Variants in DECR2 observed in about 807,000 individuals in gnomAD.
DECR2 encodes the protein peroxisomal 2,4-dienoyl-CoA reductase [(3E)-enoyl-CoA-producing].
In DECR2, 34 loss-of-function variants were observed where a neutral mutation model predicts 29.2. That is an observed-to-expected ratio of 1.16 (90% confidence interval 0.89 to 1.55). The LOEUF (loss-of-function observed/expected upper bound fraction) is 1.55, where lower values mean the gene tolerates loss of function less well. Among genes scored for constraint, DECR2 ranks in the 40% most tolerant of loss-of-function variants. DECR2 has a pLI of 0.00. For synonymous variants in DECR2, 224 were observed against 182.7 expected (o/e 1.23, Z -1.82); for missense variants, 485 against 425.3 (o/e 1.14, Z -1.23).
At chr16:407,731 CCT>C (rs1482207382) in intron 4 of DECR2, among the ~76,000 whole-genome samples, 171 bp downstream of exon 4, 4 of 151,326 alleles carry the variant, frequency 2.6e-5, no homozygotes, top group Non-Finnish European at 4.4e-5. Flanking sequence ...GCTCCGGCCC[CCT>C]GTCTCCGGCC....
intron 8 of DECR2, 69 bp from the exon 9 acceptor site, chr16:411,821 C>T: frequency 2.1e-6 from 1 of 481,362 alleles, no homozygotes; most frequent in South Asian, 3.7e-5. Flanking sequence ...TGCTGGGTGG[C>T]CGAGGCAGCC....
At chr16:406,255 C>G (rs191853186) in intron 2 of DECR2, 91 bp from the exon 3 acceptor site, 5 of 1,394,856 alleles carry the variant, frequency 3.6e-6, no homozygotes, top group Middle Eastern at 1.8e-4. Flanking sequence ...ACTGGTACTT[C>G]CGCCTGAGAG....
In DECR2 at chr16:410,188, A is replaced by ACTTG; in HGVS notation, c.338-54_338-51dup. ...CGCTCTGCCCACCTGGCCACCACCCACTTGGCATCCCTCTCCCCAGGCTCC... is the reference window on the plus strand; with the variant it reads ...CGCTCTGCCCACCTGGCCACCACCCACTTGCTTGGCATCCCTCTCCCCAGGCTCC... On this transcript the variant is annotated intron_variant, in intron 4 of 8. Transcript: ENST00000219481. The surrounding 1 kb of genome is among the most constrained non-coding windows in gnomAD (Gnocchi z 4.1). The ACTTG allele has an allele frequency of 6.3e-7, 1 of 1,585,188 alleles. No individual in the cohort carries two copies. The highest frequency in any genetic ancestry group is 1.3e-5 in the African/African-American group (1 of 74,152).
chr16:407,313 C>T lies in DECR2; in HGVS notation c.202-112C>T, dbSNP rs529999459. The T allele has an allele frequency of 4.0e-4, 585 of 1,480,742 alleles. 3 individuals carry two copies. In the African/African-American group the frequency reaches 7.9e-3, roughly 20 times the overall value. The allele number at this position is 1,480,742 out of a possible 1,614,324, so 91.7% of individuals were successfully genotyped here. ...GCTTCCCCAGAGTGGGGTCCAGCAG[C>T]AAACCCAGGGTCCCCGAGGAACCCG... On this transcript the variant is annotated intron_variant, in intron 3 of 8. Transcript: ENST00000219481.
intron 8 of DECR2, 71 bp downstream of exon 8, chr16:411,649 T>C: frequency 6.6e-7 from 1 of 1,511,944 alleles, no homozygotes. Flanking sequence ...GGCAGGTCTC[T>C]GCGGGACCCA....
At chr16:409,891 C>A in intron 4 of DECR2, 1 of 259,056 alleles carries the variant, frequency 3.9e-6, no homozygotes, top group Admixed American at 4.8e-5. Context: ...TCTGTGTGTC[C>A]TCTTCCCTTG....
chr16:410,124 C>T lies in DECR2; in HGVS notation c.338-119C>T, dbSNP rs111431922. The T allele has an allele frequency of 8.9e-4, 1,270 of 1,421,396 alleles. 9 individuals carry two copies. The African/African-American group carries it at 0.016, about 18-fold the overall frequency. 88.0% of individuals were successfully genotyped at this position (1,421,396 alleles called of 1,614,324 possible). A position where few individuals can be genotyped will look rare whatever the true frequency, so the allele number is the denominator to read the frequency against. On this transcript the variant is annotated intron_variant, in intron 4 of 8. Coordinates refer to ENST00000219481, the MANE Select transcript of DECR2 (RefSeq NM_020664.4). The surrounding 1 kb of genome is among the most constrained non-coding windows in gnomAD (Gnocchi z 4.1). ...TTTATCCTAGGGCATGGGTCTCCTC[C>T]CTGTGCCACAGGGCACCTGGGCTCC...
chr16:404,613 T>G (rs1391794987), intron 1 of DECR2, among the ~76,000 whole-genome samples: 1 of 151,644 alleles, frequency 6.6e-6, no homozygotes, highest in Non-Finnish European at 1.5e-5. Flanking sequence ...TATTTTTTAT[T>G]TATTTTTATT....
Position 410,923 on chromosome 16 carries a change from C to A in DECR2, c.557-49C>A. On this transcript the variant is annotated intron_variant, in intron 6 of 8. Coordinates refer to ENST00000219481, the MANE Select transcript of DECR2 (RefSeq NM_020664.4). This position sits in a 1 kb window ranked among gnomAD's most constrained non-coding sequence, Gnocchi z 4.1. ...CGAGACCTGGCCTTGGCCCTGCGCCCTCGCAGAGGGCAGAGCGGCCCTTTC... is the reference window on the plus strand; with the variant it reads ...CGAGACCTGGCCTTGGCCCTGCGCCATCGCAGAGGGCAGAGCGGCCCTTTC... 1 of 1,552,590 alleles carries A rather than the reference C, an allele frequency of 6.4e-7. No homozygotes were observed. The highest frequency in any genetic ancestry group is 8.7e-7 in the Non-Finnish European group (1 of 1,147,906).
Position 410,541 on chromosome 16 carries a change from C to G in DECR2, c.463-150C>G, listed in dbSNP as rs1271617620. 1 of 1,462,042 alleles carries G rather than the reference C, an allele frequency of 6.8e-7. No individual in the cohort carries two copies. Among genetic ancestry groups the G allele is most frequent in the African/African-American group, 1.7e-5 (1 of 59,472 alleles). 90.6% of individuals were successfully genotyped at this position (1,462,042 alleles called of 1,614,324 possible). A position where few individuals can be genotyped will look rare whatever the true frequency, so the allele number is the denominator to read the frequency against. ...CGCCCGCTCCCTGCCCTGGGCCTCC[C>G]CATGACGGCCGCCCGCTCCCTGCCC... On this transcript the variant is annotated intron_variant, in intron 5 of 8. Transcript: ENST00000219481. This position sits in a 1 kb window ranked among gnomAD's most constrained non-coding sequence, Gnocchi z 4.1.
intron 8 of DECR2, 83 bp downstream of exon 8, chr16:411,661 G>A (rs2054821396): frequency 1.2e-5 from 17 of 1,443,910 alleles, no homozygotes; most frequent in South Asian, 2.6e-5. Flanking sequence ...CGGGACCCAC[G>A]GGGCTGGCGT....
chr16:408,834 CTTTTT>C (rs11418835), intron 4 of DECR2, among the ~76,000 whole-genome samples: 1 of 140,532 alleles, frequency 7.1e-6, no homozygotes, highest in Non-Finnish European at 1.5e-5. Context: ...CCTGGCCTAG[CTTTTT>C]TTTTTTTTTT....
At chr16:405,581 T>C (rs2054714933) in intron 2 of DECR2, 13 of 1,304,320 alleles carry the variant, frequency 1.0e-5, no homozygotes, top group Non-Finnish European at 1.3e-5. Context: ...GCTACCTTTA[T>C]GGTTATTGTG....
chr16:407,672 G>A (rs2054742749), intron 4 of DECR2, 112 bp downstream of exon 4: 1 of 1,514,758 alleles, frequency 6.6e-7, no homozygotes, highest in African/African-American at 1.4e-5. Context: ...CTAGCTGCCT[G>A]TGCTGGGGTG....
rs1286584868 is a variant in DECR2 at position 411,633 on chromosome 16, T to C, written c.*55T>C. On this transcript the variant is annotated intron_variant, in intron 8 of 8. Transcript: ENST00000219481. ...ATCTGTGTCCTTGGACGCTGGTCACTGCATGGGCAGGTCTCTGCGGGACCC... is the reference window on the plus strand; with the variant it reads ...ATCTGTGTCCTTGGACGCTGGTCACCGCATGGGCAGGTCTCTGCGGGACCC... The C allele has an allele frequency of 1.9e-5, 29 of 1,558,680 alleles. No individual in the cohort carries two copies. In the African/African-American group the frequency reaches 3.9e-4, roughly 21 times the overall value.
At chr16:407,117 G>A (rs969047848) in intron 3 of DECR2, 7 of 1,178,466 alleles carry the variant, frequency 5.9e-6, no homozygotes, top group Non-Finnish European at 7.4e-6. Flanking sequence ...CCCTCGACCT[G>A]GGAGGAGAGT....
rs558262846 is a variant in DECR2, at chr16:410,301, C to T, written c.396C>T (p.Thr132=). Residue 132 remains threonine (T), a synonymous_variant, in exon 5 of 9, where the codon ACC becomes ACT. Transcript: ENST00000219481. The surrounding 1 kb of genome is among the most constrained non-coding windows in gnomAD (Gnocchi z 4.1). ...CCTTGTCCTTCAACGCCTTCAAGAC[C>T]GTGATGGACATCGATACCAGCGGCA... is the stretch of plus-strand genomic sequence containing the variant. The part of the protein sequence containing the change: ...AGALSFNAFK[T]VMDIDTSGTF... The T allele has an allele frequency of 1.2e-5, 20 of 1,613,608 alleles. No homozygotes were observed. The highest frequency in any genetic ancestry group is 2.7e-5 in the African/African-American group (2 of 74,908).
At chr16:405,126 C>A in intron 2 of DECR2, 102 bp downstream of exon 2, 1 of 1,384,480 alleles carries the variant, frequency 7.2e-7, no homozygotes, top group Non-Finnish European at 1.0e-6. Context: ...GTAGATGTCC[C>A]CTGCTCACCT....
rs151149458 is a variant in DECR2, at chr16:402,782, G to C, written c.80+739G>C. On this transcript the variant is annotated intron_variant, in intron 1 of 8. Coordinates refer to ENST00000219481, the MANE Select transcript of DECR2 (RefSeq NM_020664.4). ...GTAGATCACCAGAGGTCAGGAGTTC[G>C]AGACCAGCCTGGCCAACATGGTGAA... 5.0e-3 allele frequency among the ~76,000 whole-genome samples: 759 copies of C among 151,962 alleles called. 9 individuals are homozygous for C. The highest frequency in any genetic ancestry group is 0.018 in the African/African-American group (727 of 41,480).
Sources: allele counts gnomAD v4.1 joint callset (sites outside exome capture counted in the v4.1 genomes callset), GRCh38; gene constraint gnomAD v4.1.1; non-coding constraint Gnocchi (gnomAD v3.1); transcripts MANE v1.5; gene names NCBI Gene and HGNC (gene_info 2026-07-23, HGNC 2026-07-21).